SCML2: variants seen among roughly 807,000 people sequenced by gnomAD.
The protein encoded by SCML2 is sex comb on midleg-like protein 2.
A neutral mutation model predicts 48.4 loss-of-function variants in SCML2; 6 were observed. The ratio of observed to expected loss-of-function variants is 0.12; its 90% CI spans 0.07 to 0.24. The LOEUF (loss-of-function observed/expected upper bound fraction) is 0.24, where lower values mean the gene tolerates loss of function less well. Ranked by LOEUF, SCML2 falls within the 10% of genes least tolerant of loss-of-function variation. SCML2 has a pLI of 1.00. For missense variants in SCML2, 377 were observed against 528.2 expected (o/e 0.71, Z 2.81); for synonymous variants, 181 against 189.5 (o/e 0.95, Z 0.37).
At chrX:18,270,368 G>C (rs1386128687) in intron 7 of SCML2, among the ~76,000 whole-genome samples, 1 of 110,876 alleles carries the variant, frequency 9.0e-6, no homozygotes, top group Non-Finnish European at 1.9e-5. Context: ...TTAGAAAGCA[G>C]GCTTTTCAAA....
chrX:18,331,259 CAAAAAAAAAAA>C (rs35589774), intron 2 of SCML2, among the ~76,000 whole-genome samples: 265 of 16,259 alleles, frequency 0.016, 4 homozygotes, highest in African/African-American at 0.062. Context: ...GACTCCGTCT[CAAAAAAAAAAA>C]AAAAAAAAAA....
chrX:18,257,667 C>A (rs59088218), intron 10 of SCML2, among the ~76,000 whole-genome samples: 24,242 of 108,611 alleles, frequency 0.22, 2,147 homozygotes, highest in Middle Eastern at 0.33. Flanking sequence ...GTGGGCAGAT[C>A]ACATGAGGCC....
chrX:18,256,684 A>G (rs1273550591), intron 11 of SCML2, among the ~76,000 whole-genome samples, 164 bp downstream of exon 11: 1 of 109,463 alleles, frequency 9.1e-6, no homozygotes, highest in Non-Finnish European at 1.9e-5. Context: ...TATGAATACA[A>G]GAAATTACTT....
intron 2 of SCML2, among the ~76,000 whole-genome samples, chrX:18,331,086 CTG>C (rs1929640400): frequency 1.8e-5 from 2 of 108,211 alleles, no homozygotes; most frequent in South Asian, 8.1e-4. Context: ...ATGCGAAACC[CTG>C]TCTCTCCTAA....
At chrX:18,352,121 C>A (rs1363815614) in intron 1 of SCML2, among the ~76,000 whole-genome samples, 4 of 111,922 alleles carry the variant, frequency 3.6e-5, no homozygotes, top group African/African-American at 1.3e-4. Flanking sequence ...AGAGTCACAT[C>A]TGGCTTATAG....
intron 7 of SCML2, among the ~76,000 whole-genome samples, chrX:18,280,970 T>C (rs1447043718): frequency 8.9e-6 from 1 of 112,672 alleles, no homozygotes; most frequent in Non-Finnish European, 1.9e-5. Context: ...AAAGAAATTC[T>C]AGACTTAAAC....
chrX:18,322,642 C>T (rs1929356897), intron 5 of SCML2, among the ~76,000 whole-genome samples: 2 of 111,645 alleles, frequency 1.8e-5, no homozygotes, highest in Admixed American at 1.9e-4. Flanking sequence ...GCCTGTAATC[C>T]CAGCACTTTG....
rs751092134 is a variant in SCML2 at position 18,240,714 on chromosome X, T to C, written c.*537A>G. ...TATATGGCTATTCCCTTTCTAGATA[T>C]ACTGATAGAACATGAACAGAACACC... On this transcript the variant is annotated 3_prime_UTR_variant, in exon 15 of 15. Transcript: ENST00000251900. 1.8e-5 allele frequency: 2 copies of C among 112,379 alleles called. No individual in the cohort carries two copies. The highest frequency in any genetic ancestry group is 6.5e-5 in the African/African-American group (2 of 30,934). 9.3% of individuals were successfully genotyped at this position (112,379 alleles called of 1,213,427 possible). A position where few individuals can be genotyped will look rare whatever the true frequency, so the allele number is the denominator to read the frequency against.
chrX:18,262,633 G>A (rs1348868536), intron 8 of SCML2, among the ~76,000 whole-genome samples: 1 of 102,225 alleles, frequency 9.8e-6, no homozygotes, highest in Non-Finnish European at 2.0e-5. Context: ...GAGCCACCAC[G>A]CCTGGCTGGG....
chrX:18,266,963 T>C (rs1480811485), intron 7 of SCML2, among the ~76,000 whole-genome samples: 1 of 112,210 alleles, frequency 8.9e-6, no homozygotes, highest in Non-Finnish European at 1.9e-5. Flanking sequence ...TGCCATCATC[T>C]ACTTCATACT....
At chrX:18,277,582 G>A (rs1436266518) in intron 7 of SCML2, among the ~76,000 whole-genome samples, 1 of 111,817 alleles carries the variant, frequency 8.9e-6, no homozygotes, top group Non-Finnish European at 1.9e-5. Flanking sequence ...TTACCCAAAA[G>A]CTTATGCTCT....
chrX:18,270,906 T>C (rs1437778330), intron 7 of SCML2, among the ~76,000 whole-genome samples: 1 of 112,031 alleles, frequency 8.9e-6, no homozygotes, highest in African/African-American at 3.2e-5. Context: ...AAGGATATGC[T>C]ACTCATCTTT....
chrX:18,316,298 G>A (rs1929118748), intron 6 of SCML2, among the ~76,000 whole-genome samples: 1 of 111,793 alleles, frequency 8.9e-6, no homozygotes, highest in Non-Finnish European at 1.9e-5. Context: ...CTGAGGCACA[G>A]GAATCAGTTG....
chrX:18,333,368 G>GAAGT (rs1179103349), intron 2 of SCML2, among the ~76,000 whole-genome samples: 2 of 112,019 alleles, frequency 1.8e-5, no homozygotes, highest in Non-Finnish European at 3.8e-5. Context: ...CACCACTTAT[G>GAAGT]AAGTCATCTT....
chrX:18,260,417 T>C, intron 8 of SCML2, 126 bp from the exon 9 acceptor site: 4 of 546,135 alleles, frequency 7.3e-6, no homozygotes, highest in Non-Finnish European at 8.1e-6. Context: ...GTCCTCAGGT[T>C]GGAAACTCCC....
At chrX:18,290,158 A>C (rs1375305671) in intron 7 of SCML2, among the ~76,000 whole-genome samples, 1 of 111,975 alleles carries the variant, frequency 8.9e-6, no homozygotes, top group Non-Finnish European at 1.9e-5. Context: ...ATAATTAATT[A>C]CCTTTAAGGT....
intron 8 of SCML2, among the ~76,000 whole-genome samples, chrX:18,264,615 T>C (rs1244287140): frequency 8.9e-6 from 1 of 111,912 alleles, no homozygotes; most frequent in African/African-American, 3.3e-5. Context: ...TTTTACTATG[T>C]ATTTGGGTAA....
At chrX:18,270,234 G>A (rs1927405791) in intron 7 of SCML2, among the ~76,000 whole-genome samples, 1 of 110,052 alleles carries the variant, frequency 9.1e-6, no homozygotes, top group Non-Finnish European at 1.9e-5. Flanking sequence ...CACCATGTTA[G>A]TCAGGCTGGT....
intron 7 of SCML2, among the ~76,000 whole-genome samples, chrX:18,286,225 CTT>C (rs1410830080): frequency 9.0e-6 from 1 of 111,607 alleles, no homozygotes; most frequent in Non-Finnish European, 1.9e-5. Context: ...TTAGCCACTT[CTT>C]TGAGTAACAA....
Sources: allele counts gnomAD v4.1 joint callset (sites outside exome capture counted in the v4.1 genomes callset), GRCh38; gene constraint gnomAD v4.1.1; transcripts MANE v1.5; gene names NCBI Gene and HGNC (gene_info 2026-07-23, HGNC 2026-07-21).